RBM34: variants seen among roughly 807,000 people sequenced by gnomAD.
RBM34 encodes the protein RNA binding motif protein 34, also known as RNA-binding protein 34.
RBM34 carries 39 observed loss-of-function variants against 44.6 expected under a neutral mutation model. The observed-to-expected ratio is 0.87, with a 90% CI of 0.68 to 1.14. The LOEUF is 1.14. RBM34 is among the 50% of genes most tolerant of loss of function. The pLI is 0.00. For missense variants in RBM34, 572 were observed against 517.9 expected (o/e 1.10, Z -1.01); for synonymous variants, 194 against 184.0 (o/e 1.05, Z -0.44).
chr1:235,156,513 T>G, intron 3 of RBM34: 1 of 372,280 alleles, frequency 2.7e-6, no homozygotes, highest in Non-Finnish European at 5.3e-6. Flanking sequence ...GCAGAGTACT[T>G]ACTCTGTACA....
chr1:235,135,042 CCGG>C, intron 10 of RBM34, among the ~76,000 whole-genome samples: 1 of 151,210 alleles, frequency 6.6e-6, no homozygotes, highest in Non-Finnish European at 1.5e-5. Context: ...CCACATCTGG[CCGG>C]TTTGTTTTTT....
intron 3 of RBM34, among the ~76,000 whole-genome samples, chr1:235,159,182 C>A (rs1662580358): frequency 6.8e-6 from 1 of 146,180 alleles, no homozygotes. Flanking sequence ...CACTGCACTC[C>A]AACCTGGGTG....
intron 3 of RBM34, among the ~76,000 whole-genome samples, chr1:235,155,858 T>C (rs866192233): frequency 1.4e-4 from 6 of 42,126 alleles, no homozygotes; most frequent in East Asian, 6.2e-4. Flanking sequence ...TATATATATA[T>C]ATATATATAC....
intron 9 of RBM34, 23 bp downstream of exon 9, chr1:235,136,011 G>A (rs1381448930): frequency 6.5e-7 from 1 of 1,527,138 alleles, no homozygotes; most frequent in Admixed American, 1.8e-5. Flanking sequence ...AATATTAACT[G>A]TACTTTGTTT....
At chr1:235,160,831 A>G (rs1023308534) in intron 2 of RBM34, 62 bp downstream of exon 2, 2 of 1,581,104 alleles carry the variant, frequency 1.3e-6, no homozygotes, top group Non-Finnish European at 1.7e-6. Flanking sequence ...GGTAGGTAAG[A>G]AGATTGCTTT....
intron 10 of RBM34, among the ~76,000 whole-genome samples, chr1:235,133,435 ACT>A (rs1661294996): frequency 6.6e-6 from 1 of 152,216 alleles, no homozygotes; most frequent in Non-Finnish European, 1.5e-5. Flanking sequence ...GACAGTATAA[ACT>A]CTGTTATATC....
At chr1:235,157,819 G>A (rs183762440) in intron 3 of RBM34, among the ~76,000 whole-genome samples, 16 of 152,314 alleles carry the variant, frequency 1.1e-4, no homozygotes, top group African/African-American at 3.6e-4. Flanking sequence ...TAAGACAAAA[G>A]CTGCACTGCC....
rs531795835 is a variant in RBM34, at chr1:235,160,795, C to T, written c.228+98G>A. On this transcript the variant is annotated intron_variant, in intron 2 of 10. Coordinates refer to ENST00000408888, the MANE Select transcript of RBM34 (RefSeq NM_015014.4). ...GGTTACTTAAAATGAATCCTGTCTG[C>T]CCCCTTTAGAAATCACGCTTCACGC... 3.5e-5 allele frequency: 54 copies of T among 1,531,140 alleles called. No homozygotes were observed. In the East Asian group the frequency reaches 9.3e-4, roughly 26 times the overall value. The allele number at this position is 1,531,140 out of a possible 1,614,324, so 94.8% of individuals were successfully genotyped here.
chr1:235,155,822 C>CAT (rs1172462826), intron 3 of RBM34, among the ~76,000 whole-genome samples: 915 of 63,606 alleles, frequency 0.014, 22 homozygotes, highest in Non-Finnish European at 0.017. Context: ...CATACATATA[C>CAT]ATATATATAT....
At chr1:235,132,020 T>C in intron 10 of RBM34, 23 bp from the exon 11 acceptor site, 1 of 1,548,046 alleles carries the variant, frequency 6.5e-7, no homozygotes, top group Non-Finnish European at 8.7e-7. Flanking sequence ...ACACAATACA[T>C]TAATTGCTAC....
Position 235,160,575 on chromosome 1 carries a change from C to T in RBM34, c.301G>A (p.Glu101Lys). ...TSQIERPLSQ[E>K]PAKKVKAKKK... ...TTCGCTTTCACTTTTTTGGCAGGTTCTTGCGAAAGTGGTCTTTCAATCTGG... is the reference window on the plus strand; with the variant it reads ...TTCGCTTTCACTTTTTTGGCAGGTTTTTGCGAAAGTGGTCTTTCAATCTGG... Residue 101 changes from glutamate (E) to lysine (K), a missense_variant, in exon 3 of 11, where the codon GAA becomes AAA. By Grantham distance (56) the Glu-to-Lys change is moderately conservative. Transcript: ENST00000408888. 6.2e-7 allele frequency: 1 copy of T among 1,613,998 alleles called. No individual in the cohort carries two copies. The highest frequency in any genetic ancestry group is 8.5e-7 in the Non-Finnish European group (1 of 1,179,990).
chr1:235,153,446 CAG>C (rs1443113098), intron 4 of RBM34, among the ~76,000 whole-genome samples: 1 of 145,444 alleles, frequency 6.9e-6, no homozygotes, highest in Non-Finnish European at 1.5e-5. Context: ...TTTTTTGAGA[CAG>C]AGTCTCACTC....
At chr1:235,141,722 C>G (rs1018664610) in intron 6 of RBM34, among the ~76,000 whole-genome samples, 1 of 152,154 alleles carries the variant, frequency 6.6e-6, no homozygotes, top group South Asian at 2.1e-4. Flanking sequence ...CCAGCGAGAC[C>G]ACGAGGCCAC....
At position 235,152,870 on chromosome 1, in the gene RBM34, C is replaced by CTT. The variant is rs11351017; in HGVS notation, c.598-107_598-106dup. On this transcript the variant is annotated intron_variant, in intron 4 of 10. Transcript: ENST00000408888. ...TGTCTGATAATCCTCTACTGCCAGG[C>CTT]TTTTTTTTTTTTTTTTGAGACAGAG... 6.2e-3 allele frequency: 3,704 copies of CTT among 592,982 alleles called. 34 individuals carry two copies. The highest frequency in any genetic ancestry group is 0.033 in the African/African-American group (1,518 of 45,362). 36.7% of individuals were successfully genotyped at this position (592,982 alleles called of 1,614,324 possible).
Position 235,131,978 on chromosome 1 carries a change from A to C in RBM34, c.1028T>G (p.Leu343Arg), listed in dbSNP as rs751845741. The part of the protein sequence containing the change: ...VLFENTDSVH[L>R]ALKLNNSELM... Reference sequence around the variant, plus strand: ...TTCAGAATTATTTAATTTCAGAGCAAGATGAACAGAATCTGTATTCTGCAA... The same window carrying C: ...TTCAGAATTATTTAATTTCAGAGCACGATGAACAGAATCTGTATTCTGCAA... Residue 343 changes from leucine to arginine, a missense_variant, in exon 11 of 11, where the codon CTT becomes CGT. Physicochemically the swap from Leu to Arg is moderately radical, Grantham distance 102. Transcript: ENST00000408888. 3.1e-6 allele frequency: 5 copies of C among 1,600,504 alleles called. No homozygotes were observed. In the East Asian group the frequency reaches 8.9e-5, roughly 29 times the overall value.
intron 10 of RBM34, among the ~76,000 whole-genome samples, chr1:235,133,872 T>G (rs532102904): frequency 2.0e-5 from 3 of 152,252 alleles, no homozygotes; most frequent in East Asian, 3.9e-4. Flanking sequence ...TAGATTATTT[T>G]TTTGTTTTGA....
intron 10 of RBM34, among the ~76,000 whole-genome samples, chr1:235,133,868 A>AT (rs1310866013): frequency 6.6e-6 from 1 of 151,912 alleles, no homozygotes; most frequent in African/African-American, 2.4e-5. Flanking sequence ...ACAATAGATT[A>AT]TTTTTTTGTT....
intron 6 of RBM34, among the ~76,000 whole-genome samples, chr1:235,148,005 G>C (rs1446023764): frequency 6.6e-6 from 1 of 152,128 alleles, no homozygotes; most frequent in Non-Finnish European, 1.5e-5. Flanking sequence ...CCCTCAAACA[G>C]AGAACGCCAA....
intron 6 of RBM34, among the ~76,000 whole-genome samples, chr1:235,144,862 T>C (rs1436316758): frequency 1.3e-5 from 2 of 152,118 alleles, no homozygotes; most frequent in Non-Finnish European, 2.9e-5. Flanking sequence ...CTGACCAACA[T>C]GGGGAAACCC....
Sources: allele counts gnomAD v4.1 joint callset (sites outside exome capture counted in the v4.1 genomes callset), GRCh38; gene constraint gnomAD v4.1.1; transcripts MANE v1.5; gene names NCBI Gene and HGNC (gene_info 2026-07-23, HGNC 2026-07-21).